COLGALT1: variants seen among roughly 807,000 people sequenced by gnomAD.
COLGALT1 encodes procollagen galactosyltransferase 1.
In COLGALT1, 43 loss-of-function variants were observed where a neutral mutation model predicts 60.8. That is an observed-to-expected ratio of 0.71 (90% CI 0.55 to 0.91). The LOEUF (loss-of-function observed/expected upper bound fraction) is 0.91, where lower values mean the gene tolerates loss of function less well. Ranked by LOEUF, COLGALT1 falls within the 40% of genes least tolerant of loss-of-function variation. COLGALT1 has a pLI of 0.00. For synonymous variants in COLGALT1, 369 were observed against 374.2 expected (o/e 0.99, Z 0.16); for missense variants, 845 against 880.0 (o/e 0.96, Z 0.50).
chr19:17,569,921 G>T (rs1454129697), intron 5 of COLGALT1, among the ~76,000 whole-genome samples: 12 of 85,320 alleles, frequency 1.4e-4, no homozygotes, highest in Non-Finnish European at 4.5e-5. Context: ...TTGAGACGGA[G>T]TCTCGCTCTG....
In COLGALT1 at chr19:17,577,454, G is replaced by A; in HGVS notation, c.1120G>A (p.Ala374Thr). ...GGAGATCGAGTGCCGGCTGGTGGAG[G>A]CCGTGGACGGCAAGTGAGTCCGAGG... ...AQEIECRLVE[A>T]VDGKAMNTSQ... is the part of the protein sequence containing the mutation. Residue 374 changes from alanine (A) to threonine (T), a missense_variant, in exon 8 of 12, where the codon GCC (alanine) becomes ACC (threonine). Ala to Thr is a moderately conservative substitution (Grantham distance 58). Transcript: ENST00000252599. 6.8e-7 allele frequency: 1 copy of A among 1,462,552 alleles called. No individual in the cohort carries two copies. Among genetic ancestry groups the A allele is most frequent in the Non-Finnish European group, 9.0e-7 (1 of 1,108,638 alleles). The allele number at this position is 1,462,552 out of a possible 1,614,324, so 90.6% of individuals were successfully genotyped here.
Position 17,582,521 on chromosome 19 carries a change from G to A in COLGALT1, c.*1077G>A, listed in dbSNP as rs1237448240. On this transcript the variant is annotated 3_prime_UTR_variant, in exon 12 of 12. Transcript: ENST00000252599. ...ACTAGTGATACAAAAGAGTGTGACA[G>A]TTGTTCAGTCTGCATTTTCGATCAT... The A allele has an allele frequency of 1.3e-5, 2 of 152,238 alleles. No homozygotes were observed. The highest frequency in any genetic ancestry group is 6.5e-5 in the Admixed American group (1 of 15,282). The allele number at this position is 152,238 out of a possible 1,614,324, so 9.4% of individuals were successfully genotyped here. A position where few individuals can be genotyped will look rare whatever the true frequency, so the allele number is the denominator to read the frequency against.
rs758419967 is a variant in COLGALT1, at chr19:17,568,634, G to A, written c.750G>A (p.Leu250=). ...TGCGGAAGGCGGCGTCCAGGAACCT[G>A]GCCTTCTACCCACCTCACCCTGACT... is the stretch of plus-strand genomic sequence containing the variant. ...IDLRKAASRN[L]AFYPPHPDYT... Residue 250 remains leucine, a synonymous_variant, in exon 5 of 12, where the codon CTG becomes CTA. Transcript: ENST00000252599. The A allele has an allele frequency of 2.5e-6, 4 of 1,614,044 alleles. No individual in the cohort carries two copies. Among genetic ancestry groups the A allele is most frequent in the Non-Finnish European group, 3.4e-6 (4 of 1,180,034 alleles).
intron 3 of COLGALT1, among the ~76,000 whole-genome samples, chr19:17,564,914 G>T (rs1370352100): frequency 6.6e-6 from 1 of 152,006 alleles, no homozygotes; most frequent in African/African-American, 2.4e-5. Flanking sequence ...CTCTCCCCTA[G>T]GCTCTGGCAG....
Position 17,566,304 on chromosome 19 carries a change from A to C in COLGALT1, c.490-1102A>C, listed in dbSNP as rs548986233. The C allele has an allele frequency of 2.0e-5, 3 of 152,176 alleles. No individual in the cohort carries two copies. In the East Asian group the frequency reaches 5.8e-4, roughly 29 times the overall value. 9.4% of individuals were successfully genotyped at this position (152,176 alleles called of 1,614,324 possible). Reference sequence around the variant, plus strand: ...CTTGAACATGGGAGGTGGAGGTTGCAGTGAGCCGAGATCACGCCGCTGCAC... The same window carrying C: ...CTTGAACATGGGAGGTGGAGGTTGCCGTGAGCCGAGATCACGCCGCTGCAC... On this transcript the variant is annotated intron_variant, in intron 3 of 11. Transcript: ENST00000252599.
chr19:17,565,641 G>A (rs1430848485), intron 3 of COLGALT1, among the ~76,000 whole-genome samples: 1 of 152,250 alleles, frequency 6.6e-6, no homozygotes, highest in Non-Finnish European at 1.5e-5. Flanking sequence ...CTGCACTTCA[G>A]CCTGGGTGAC....
rs377615354 is a variant in COLGALT1 at position 17,577,961 on chromosome 19, A to G, written c.1138A>G (p.Met380Val). The change falls in exon 9 of 12, where the codon ATG becomes GTG. Residue 380 changes from methionine to valine, a missense_variant. By Grantham distance (21) the Met-to-Val change is conservative (BLOSUM62 1). Transcript: ENST00000252599. The part of the protein sequence containing the change: ...RLVEAVDGKA[M>V]NTSQVEALGI... ...CCCTCTCCTCCTCCTCTCCAGAGCC[A>G]TGAACACCAGCCAGGTGGAGGCGCT... 1.2e-6 allele frequency: 2 copies of G among 1,609,790 alleles called. No homozygotes were observed. Among genetic ancestry groups the G allele is most frequent in the Non-Finnish European group, 1.7e-6 (2 of 1,178,442 alleles).
rs1365315232 is a variant in COLGALT1, at chr19:17,581,216, T to G, written c.1641T>G (p.His547Gln). 6.2e-7 allele frequency: 1 copy of G among 1,608,618 alleles called. No homozygotes were observed. The highest frequency in any genetic ancestry group is 1.7e-5 in the Admixed American group (1 of 59,162). ...YKAHFSLRNL[H>Q]AFSVEPLLIY... is the part of the protein sequence containing the mutation. ...CCCACTTCTCCCTCCGCAACCTGCATGCCTTCTCTGTGGAGCCGCTGCTCA... is the reference window on the plus strand; with the variant it reads ...CCCACTTCTCCCTCCGCAACCTGCAGGCCTTCTCTGTGGAGCCGCTGCTCA... The change falls in exon 12 of 12, where the codon CAT (histidine) becomes CAG (glutamine). Residue 547 changes from histidine (H) to glutamine (Q), a missense_variant. Physicochemically the swap from His to Gln is conservative, Grantham distance 24. Transcript: ENST00000252599.
Position 17,562,565 on chromosome 19 carries a change from G to A in COLGALT1, c.489+2100G>A, listed in dbSNP as rs540590604. Reference sequence around the variant, plus strand: ...TAACCCCAGCTACTTGGGAGGCTGAGGCAGGAGAATGTCTTGAACCCGGGA... The same window carrying A: ...TAACCCCAGCTACTTGGGAGGCTGAAGCAGGAGAATGTCTTGAACCCGGGA... On this transcript the variant is annotated intron_variant, in intron 3 of 11. Transcript: ENST00000252599. 1.3e-3 allele frequency among the ~76,000 whole-genome samples: 202 copies of A among 152,206 alleles called. 1 individual carries two copies. Among genetic ancestry groups the A allele is most frequent in the South Asian group, 2.5e-3 (12 of 4,826 alleles).
Position 17,568,709 on chromosome 19 carries a change from G to A in COLGALT1, c.825G>A (p.Gln275=). 1 of 1,614,176 alleles carries A rather than the reference G, an allele frequency of 6.2e-7. No individual in the cohort carries two copies. The highest frequency in any genetic ancestry group is 8.5e-7 in the Non-Finnish European group (1 of 1,180,028). ...TCGTCTTTGCCTTCTCCTGCAAGCA[G>A]GCAGGTACGTACATGAGGGGTCTGC... ...DIIVFAFSCK[Q]AEVQMYVCNK... is the part of the protein sequence containing the mutation. Residue 275 remains glutamine, a synonymous_variant, in exon 5 of 12, where the codon CAG becomes CAA. Transcript: ENST00000252599.
chr19:17,561,154 G>A (rs548894813), intron 3 of COLGALT1, among the ~76,000 whole-genome samples: 92 of 151,578 alleles, frequency 6.1e-4, no homozygotes, highest in African/African-American at 2.0e-3. Context: ...GCAGTGAGCC[G>A]AGATCGTGCC....
Position 17,572,533 on chromosome 19 carries a change from C to CAATG in COLGALT1, c.880_881insAATG (p.Pro294GlnfsTer12). On this transcript the variant is annotated frameshift_variant, in exon 6 of 12. Transcript: ENST00000252599. LOFTEE classifies it high-confidence loss of function. Reference sequence around the variant, plus strand: ...GGAGGAGTACGGATTCTTGCCAGTGCCATTGCGCGCCCACAGCACCCTCCA... The same window carrying CAATG: ...GGAGGAGTACGGATTCTTGCCAGTGCAATGCATTGCGCGCCCACAGCACCCTCCA... 1 of 1,614,138 alleles carries CAATG rather than the reference C, an allele frequency of 6.2e-7. No homozygotes were observed. Among genetic ancestry groups the CAATG allele is most frequent in the South Asian group, 1.1e-5 (1 of 91,084 alleles).
At chr19:17,569,891 C>CTTTTTTTTTTTTTTTTTTTT (rs71162156) in intron 5 of COLGALT1, among the ~76,000 whole-genome samples, 1 of 98,740 alleles carries the variant, frequency 1.0e-5, no homozygotes, top group African/African-American at 3.9e-5. Context: ...CCACTAATTA[C>CTTTTTTTTTTTTTTTTTTTT]TTTTTTTTTT....
chr19:17,579,917 C>T (rs1217942706), intron 10 of COLGALT1: 4 of 360,974 alleles, frequency 1.1e-5, no homozygotes, highest in East Asian at 4.6e-5. Context: ...GGAGGGCTCA[C>T]GTGGTTCCTG....
In COLGALT1 at chr19:17,577,225, T is replaced by G; in HGVS notation, c.980T>G (p.Phe327Cys). 5 of 1,576,842 alleles carry G rather than the reference T, an allele frequency of 3.2e-6. No homozygotes were observed. Among genetic ancestry groups the G allele is most frequent in the Non-Finnish European group, 4.3e-6 (5 of 1,164,434 alleles). The stretch of plus-strand genomic sequence containing the variant: ...CACCCGCCCGCAGAGCCCTCCCGCT[T>G]CATCTCGGCTCCCACCAAGACACCG... ...VKHPPAEPSRFISAPTKTPDK... is the reference protein window; with the variant it reads ...VKHPPAEPSRCISAPTKTPDK... Residue 327 changes from phenylalanine to cysteine, a missense_variant, in exon 7 of 12, where the codon TTC becomes TGC. Coordinates refer to ENST00000252599, the MANE Select transcript of COLGALT1 (RefSeq NM_024656.4).
intron 4 of COLGALT1, 107 bp downstream of exon 4, chr19:17,567,647 T>C (rs1173676391): frequency 4.5e-6 from 6 of 1,321,500 alleles, no homozygotes; most frequent in African/African-American, 1.5e-5. Flanking sequence ...TTTACAAAAA[T>C]CATCATGGAA....
chr19:17,564,106 G>A (rs535697608), intron 3 of COLGALT1, among the ~76,000 whole-genome samples: 1 of 151,572 alleles, frequency 6.6e-6, no homozygotes, highest in African/African-American at 2.4e-5. Flanking sequence ...AAATTAGCCA[G>A]GTGTACTGGT....
chr19:17,564,706 C>T (rs1300685925), intron 3 of COLGALT1, among the ~76,000 whole-genome samples: 1 of 152,046 alleles, frequency 6.6e-6, no homozygotes, highest in African/African-American at 2.4e-5. Flanking sequence ...CGTGAGCCAC[C>T]GCCCCTGGCC....
chr19:17,560,294 C>T lies in COLGALT1; in HGVS notation c.372-54C>T, dbSNP rs563833050. ...GTACCCCGAAGGCAGCTCAGGCCCT[C>T]GCTGGGCTTTGATAGTGCCTTGTGA... On this transcript the variant is annotated intron_variant, in intron 2 of 11. Transcript: ENST00000252599. 24 of 1,486,200 alleles carry T rather than the reference C, an allele frequency of 1.6e-5. No individual in the cohort carries two copies. In the Admixed American group the frequency reaches 1.8e-4, roughly 11 times the overall value. The allele number at this position is 1,486,200 out of a possible 1,614,324, so 92.1% of individuals were successfully genotyped here. A position where few individuals can be genotyped will look rare whatever the true frequency, so the allele number is the denominator to read the frequency against.
Sources: gnomAD v4.1 joint callset for allele counts (sites outside exome capture counted in the v4.1 genomes callset) on GRCh38, gnomAD v4.1.1 for gene constraint, MANE v1.5 for transcripts, NCBI Gene and HGNC (gene_info 2026-07-23, HGNC 2026-07-21) for gene names.